The following P2RX5 variants were observed in gnomAD, a reference collection of about 807,000 sequenced individuals.
P2RX5 encodes P2X purinoceptor 5.
Under a neutral mutation model 54.1 loss-of-function variants are expected in P2RX5, and 46 were observed. The ratio of observed to expected loss-of-function variants is 0.85; its 90% confidence interval spans 0.67 to 1.09. P2RX5 has a LOEUF of 1.09. P2RX5 is among the 50% of genes least tolerant of loss of function. The pLI, the probability that P2RX5 is intolerant of heterozygous loss-of-function variation, is 0.00. For missense variants in P2RX5, 566 were observed against 549.8 expected (o/e 1.03, Z -0.29); for synonymous variants, 226 against 226.4 (o/e 1.00, Z 0.02).
chr17:3,708,685 G>C, the P2RX5 span, among the ~76,000 whole-genome samples: 1 of 152,058 alleles, frequency 6.6e-6, no homozygotes, highest in African/African-American at 2.4e-5. Flanking sequence ...TCCACTCTTG[G>C]AAAAAGCTAA....
At position 3,696,132 on chromosome 17, in the gene P2RX5, G is replaced by C. The variant is rs892518771; in HGVS notation, c.-127C>G. The C allele has an allele frequency of 9.6e-7, 1 of 1,041,682 alleles. No homozygotes were observed. The highest frequency in any genetic ancestry group is 1.7e-5 in the African/African-American group (1 of 58,682). 64.5% of individuals were successfully genotyped at this position (1,041,682 alleles called of 1,614,324 possible). On this transcript the variant is annotated 5_prime_UTR_variant, in exon 1 of 12. Coordinates refer to ENST00000225328, the MANE Select transcript of P2RX5 (RefSeq NM_002561.4). ...TCTGCGCCCGCTCAGCTGCAGCCCG[G>C]GGTGTCCGGCAGGGCTGCGGGGCGC...
chr17:3,676,004 G>A (rs1481486775), intron 11 of P2RX5: 11 of 985,260 alleles, frequency 1.1e-5, no homozygotes, highest in Non-Finnish European at 1.2e-5. Flanking sequence ...AAGCCTCAGT[G>A]GAGGGATGCT....
chr17:3,722,159 C>T, the P2RX5 span, among the ~76,000 whole-genome samples: 1 of 141,512 alleles, frequency 7.1e-6, no homozygotes, highest in African/African-American at 2.6e-5. Context: ...AAGAGCGAAA[C>T]TCCGTCTTGA....
At chr17:3,708,606 C>T in the P2RX5 span, among the ~76,000 whole-genome samples, 1 of 152,114 alleles carries the variant, frequency 6.6e-6, no homozygotes, top group Admixed American at 6.5e-5. Flanking sequence ...TGCTGATAAC[C>T]ACATAAAGTG....
intron 1 of P2RX5, among the ~76,000 whole-genome samples, chr17:3,694,990 G>A (rs2050716263): frequency 6.6e-6 from 1 of 152,328 alleles, no homozygotes; most frequent in East Asian, 1.9e-4. Flanking sequence ...GGTGGGAGGC[G>A]GCCAGGGGCC....
the P2RX5 span, among the ~76,000 whole-genome samples, chr17:3,701,704 A>T: frequency 5.6e-3 from 425 of 75,606 alleles, 12 homozygotes; most frequent in African/African-American, 0.013. Context: ...CAGAAAAAAA[A>T]AAAAAAAAAA....
intron 6 of P2RX5, 45 bp from the exon 7 acceptor site, chr17:3,689,675 T>C: frequency 1.2e-6 from 2 of 1,613,158 alleles, no homozygotes; most frequent in South Asian, 1.1e-5. Context: ...TAAGACTTGA[T>C]GTTTCCCGGC....
the P2RX5 span, chr17:3,723,633 T>C: frequency 6.7e-7 from 1 of 1,491,680 alleles, no homozygotes; most frequent in Non-Finnish European, 9.0e-7. Flanking sequence ...TGGCCTCTCG[T>C]TACCCGCTTC....
rs61731589 is a variant in P2RX5 at position 3,691,715 on chromosome 17, C to T, written c.217G>A (p.Val73Met). ...AGATCCGAGGTGTTGGTGAAGGCCA[C>T]GCCCTTGACTTTGGTGATGACAGCA... is the stretch of plus-strand genomic sequence containing the variant. Reference protein sequence around the residue: ...QSAVITKVKGVAFTNTSDLGQ... With the variant: ...QSAVITKVKGMAFTNTSDLGQ... Residue 73 changes from valine (V) to methionine (M), a missense_variant, in exon 2 of 12, where the codon GTG (valine) becomes ATG (methionine). Coordinates refer to ENST00000225328, the MANE Select transcript of P2RX5 (RefSeq NM_002561.4). 117 of 1,614,216 alleles carry T rather than the reference C, an allele frequency of 7.2e-5. No individual in the cohort carries two copies. The highest frequency in any genetic ancestry group is 2.0e-4 in the Admixed American group (12 of 60,032).
upstream of P2RX5, chr17:3,696,164 G>T: frequency 1.7e-6 from 1 of 605,208 alleles, no homozygotes; most frequent in Non-Finnish European, 2.4e-6. Context: ...GCGCGGGGGC[G>T]GGTCGGGGCG....
At chr17:3,716,620 C>CTT in the P2RX5 span, 22 of 969,946 alleles carry the variant, frequency 2.3e-5, no homozygotes, top group African/African-American at 2.9e-4. Context: ...GTTGGCTGTC[C>CTT]TAAGGAGTTC....
intron 1 of P2RX5, among the ~76,000 whole-genome samples, chr17:3,694,896 C>A (rs901103531): frequency 6.6e-6 from 1 of 152,278 alleles, no homozygotes; most frequent in South Asian, 2.1e-4. Context: ...AAGCCCAGAT[C>A]TGGGGGCTGA....
chr17:3,689,972 G>A (rs190735701), intron 6 of P2RX5, 98 bp downstream of exon 6: 23 of 1,055,834 alleles, frequency 2.2e-5, no homozygotes, highest in African/African-American at 1.1e-4. Context: ...GCACACACGC[G>A]CGCACACACA....
At chr17:3,680,960 C>T (rs768620562) in intron 10 of P2RX5, among the ~76,000 whole-genome samples, 43 of 129,766 alleles carry the variant, frequency 3.3e-4, no homozygotes, top group African/African-American at 1.0e-3. Context: ...CTCCACCCAG[C>T]GTCCTCCACC....
chr17:3,700,493 A>G (rs779409582), upstream of P2RX5, among the ~76,000 whole-genome samples: 18 of 151,284 alleles, frequency 1.2e-4, no homozygotes, highest in Non-Finnish European at 1.6e-4. Context: ...AGACTGTGCC[A>G]CTGCACTCCA....
the P2RX5 span, chr17:3,720,355 G>A: frequency 6.3e-7 from 1 of 1,590,470 alleles, no homozygotes; most frequent in Non-Finnish European, 8.6e-7. Context: ...GAGATTTGTT[G>A]AAAGATATTT....
chr17:3,697,300 A>G (rs1300103361), upstream of P2RX5, among the ~76,000 whole-genome samples: 1 of 152,204 alleles, frequency 6.6e-6, no homozygotes, highest in Non-Finnish European at 1.5e-5. Context: ...CAACCCTCTC[A>G]GTATGTGGAA....
In P2RX5 at chr17:3,675,142, C is replaced by G. The variant is rs1032952071; in HGVS notation, c.1260-1265G>C. 2.0e-5 allele frequency among the ~76,000 whole-genome samples: 3 copies of G among 152,142 alleles called. No homozygotes were observed. The East Asian group carries it at 5.8e-4, about 29-fold the overall frequency. On this transcript the variant is annotated intron_variant, in intron 11 of 11. Coordinates refer to ENST00000225328, the MANE Select transcript of P2RX5 (RefSeq NM_002561.4). ...GCAACCTCCGTCTCCCGGGTTCAAG[C>G]AATTCTCCTGCCTCAGCCTCCTGAG... is the stretch of plus-strand genomic sequence containing the variant.
chr17:3,723,624 G>T, the P2RX5 span: 1 of 1,456,836 alleles, frequency 6.9e-7, no homozygotes, highest in Non-Finnish European at 9.2e-7. Context: ...ACAGTCTCCT[G>T]GCCTCTCGTT....
Sources: allele counts gnomAD v4.1 joint callset (sites outside exome capture counted in the v4.1 genomes callset), GRCh38; gene constraint gnomAD v4.1.1; transcripts MANE v1.5; gene names NCBI Gene and HGNC (gene_info 2026-07-23, HGNC 2026-07-21).